Variants in MLXIP observed in about 807,000 individuals in gnomAD.
MLXIP encodes MLX-interacting protein.
MLXIP carries 30 observed loss-of-function variants against 87.2 expected under a neutral mutation model. The observed-to-expected ratio is 0.34, with a 90% CI of 0.26 to 0.47. The LOEUF (loss-of-function observed/expected upper bound fraction) is 0.47, where lower values mean the gene tolerates loss of function less well. Among genes scored for constraint, MLXIP ranks in the 20% least tolerant of loss-of-function variants. The pLI is 1.00. For missense variants in MLXIP, 1,002 were observed against 1,240.1 expected (o/e 0.81, Z 2.88); for synonymous variants, 530 against 514.0 (o/e 1.03, Z -0.42).
At chr12:122,095,690 T>G (rs1323916232) in intron 1 of MLXIP, among the ~76,000 whole-genome samples, 1 of 151,964 alleles carries the variant, frequency 6.6e-6, no homozygotes, top group African/African-American at 2.4e-5. Flanking sequence ...TCTTTTCAAG[T>G]TGCATTTCAA....
intron 3 of MLXIP, chr12:122,128,765 C>A (rs142183040): frequency 0.011 from 2,072 of 189,722 alleles, 39 homozygotes; most frequent in Admixed American, 0.038. Flanking sequence ...TTCATTTTTG[C>A]CCTTTGAATG....
intron 1 of MLXIP, among the ~76,000 whole-genome samples, chr12:122,095,321 ACACT>A (rs1263893648): frequency 4.0e-5 from 6 of 151,822 alleles, no homozygotes; most frequent in Non-Finnish European, 7.4e-5. Context: ...TTTGCAGTAC[ACACT>A]CACACATGCA....
Position 122,132,301 on chromosome 12 carries a change from C to T in MLXIP, c.1010C>T (p.Ser337Phe), listed in dbSNP as rs759150114. The T allele has an allele frequency of 1.2e-6, 2 of 1,611,558 alleles. No individual in the cohort carries two copies. Among genetic ancestry groups the T allele is most frequent in the Admixed American group, 1.7e-5 (1 of 59,656 alleles). ...TGCTGTTGTTTTTCAGACCTCTTCT[C>T]TTCTAGCCGCTCCATTTTTGGCTCC... ...DTFEPFQDLF[S>F]SSRSIFGSML... Residue 337 changes from serine (S) to phenylalanine (F), a missense_variant, in exon 8 of 17, where the codon TCT becomes TTT. Around this residue, in one of 3 missense-constraint regions of MLXIP, gnomAD observed 746 missense variants for 897.0 expected, o/e 0.83. Coordinates refer to ENST00000319080, the MANE Select transcript of MLXIP (RefSeq NM_014938.6).
chr12:122,133,744 C>T lies in MLXIP; in HGVS notation c.1489C>T (p.Pro497Ser), dbSNP rs768671924. Residue 497 changes from proline (P) to serine (S), a missense_variant, in exon 9 of 17, where the codon CCC becomes TCC. Around this residue, in one of 3 missense-constraint regions of MLXIP, gnomAD observed 746 missense variants for 897.0 expected, o/e 0.83. Transcript: ENST00000319080. The surrounding 1 kb of genome is among the most constrained non-coding windows in gnomAD (Gnocchi z 4.9). ...CTCTGCCACCCTCACCCACGATGCC[C>T]CCGCCACCACCTTTAGCCAGAGTCA... ...TASATLTHDA[P>S]ATTFSQSQGL... 10 of 1,613,568 alleles carry T rather than the reference C, an allele frequency of 6.2e-6. No individual in the cohort carries two copies. The South Asian group carries it at 7.7e-5, about 12-fold the overall frequency.
At position 122,133,894 on chromosome 12, in the gene MLXIP, A is replaced by C. The variant is rs1232314476; in HGVS notation, c.1639A>C (p.Thr547Pro). The C allele has an allele frequency of 6.2e-7, 1 of 1,610,676 alleles. No homozygotes were observed. The highest frequency in any genetic ancestry group is 1.3e-5 in the African/African-American group (1 of 74,856). The change falls in exon 9 of 17, where the codon ACT becomes CCT. Residue 547 changes from threonine (T) to proline (P), a missense_variant. By Grantham distance (38) the Thr-to-Pro change is conservative. Coordinates refer to ENST00000319080, the MANE Select transcript of MLXIP (RefSeq NM_014938.6). This position sits in a 1 kb window ranked among gnomAD's most constrained non-coding sequence, Gnocchi z 4.9. ...TFVHPKPVSL[T>P]GGRPKQPHKI... ...TGTGCACCCCAAACCTGTATCCTTG[A>C]CTGGGGGCAGGCCTAAGCAGCCCCA...
At chr12:122,128,090 G>A (rs567571509) in intron 3 of MLXIP, 122 bp downstream of exon 3, 189 of 802,054 alleles carry the variant, frequency 2.4e-4, no homozygotes, top group Middle Eastern at 8.5e-4. Context: ...CCTGCCCTGC[G>A]CCATCCATGC....
intron 1 of MLXIP, among the ~76,000 whole-genome samples, chr12:122,109,382 T>G (rs1952568663): frequency 6.6e-6 from 1 of 152,240 alleles, no homozygotes. Context: ...TTTTGTATTC[T>G]TAGTAGTGAT....
chr12:122,090,991 G>GT lies in MLXIP; in HGVS notation c.413+11735dup, dbSNP rs371174931. Among the ~76,000 whole-genome samples the GT allele has an allele frequency of 5.9e-4, 87 of 148,520 alleles. No individual in the cohort carries two copies. The East Asian group carries it at 6.5e-3, about 11-fold the overall frequency. The stretch of plus-strand genomic sequence containing the variant: ...AATGGATAGTCACTGCTAATGGGTT[G>GT]TTTTTTTTTTGAGGCTGTGATGAAA... On this transcript the variant is annotated intron_variant, in intron 1 of 16. Transcript: ENST00000319080.
At chr12:122,131,008 C>A in intron 7 of MLXIP, 75 bp downstream of exon 7, 1 of 979,948 alleles carries the variant, frequency 1.0e-6, no homozygotes, top group Non-Finnish European at 1.6e-6. Context: ...CGCTGCCTTC[C>A]TTTAAGAGGC....
rs1565992340 is a variant in MLXIP at position 122,141,710 on chromosome 12, G to T, written c.2658G>T (p.Arg886=). 1 of 1,613,850 alleles carries T rather than the reference G, an allele frequency of 6.2e-7. No individual in the cohort carries two copies. The highest frequency in any genetic ancestry group is 8.5e-7 in the Non-Finnish European group (1 of 1,179,884). The change falls in exon 17 of 17, where the codon CGG becomes CGT. Residue 886 remains arginine, a synonymous_variant. Coordinates refer to ENST00000319080, the MANE Select transcript of MLXIP (RefSeq NM_014938.6). Reference sequence around the variant, plus strand: ...TTGCAGTGGTATTGAGCACGCTGCGGCAGCTGAGCACCTCCACCTCCATCC... The same window carrying T: ...TTGCAGTGGTATTGAGCACGCTGCGTCAGCTGAGCACCTCCACCTCCATCC... ...ILRPMVLSTL[R]QLSTSTSILT... is the part of the protein sequence containing the mutation.
intron 1 of MLXIP, among the ~76,000 whole-genome samples, chr12:122,126,784 A>T (rs779439970): frequency 6.6e-6 from 1 of 152,190 alleles, no homozygotes; most frequent in Non-Finnish European, 1.5e-5. Flanking sequence ...GTGACCCATG[A>T]CTGCCCTTGG....
At chr12:122,109,055 C>T (rs573186690) in intron 1 of MLXIP, among the ~76,000 whole-genome samples, 50 of 152,336 alleles carry the variant, frequency 3.3e-4, no homozygotes, top group Non-Finnish European at 6.9e-4. Flanking sequence ...GCCTCAGCCT[C>T]CTGAGTAGCT....
At chr12:122,082,746 A>G (rs1357472636) in intron 1 of MLXIP, among the ~76,000 whole-genome samples, 2 of 152,222 alleles carry the variant, frequency 1.3e-5, no homozygotes, top group Non-Finnish European at 2.9e-5. Context: ...CAATGGAGCT[A>G]TGTACTGTAG....
chr12:122,114,177 G>A (rs1323530350), intron 1 of MLXIP, among the ~76,000 whole-genome samples: 2 of 151,068 alleles, frequency 1.3e-5, no homozygotes, highest in South Asian at 2.1e-4. Context: ...TAGTAGACAG[G>A]GTTTCATCAT....
intron 1 of MLXIP, among the ~76,000 whole-genome samples, chr12:122,081,203 C>G (rs994700347): frequency 6.6e-6 from 1 of 152,132 alleles, no homozygotes; most frequent in Non-Finnish European, 1.5e-5. Context: ...TCTCTTGGCT[C>G]TCTCACTTTC....
In MLXIP at chr12:122,142,448, A is replaced by C; in HGVS notation, c.*636A>C. On this transcript the variant is annotated 3_prime_UTR_variant, in exon 17 of 17. Coordinates refer to ENST00000319080, the MANE Select transcript of MLXIP (RefSeq NM_014938.6). ...TGTGCAGAAACGGTGGATGTGGAAC[A>C]CACAGGACCAGAATGGAAGCGTGTG... The C allele has an allele frequency of 2.5e-6, 1 of 400,308 alleles. No individual in the cohort carries two copies. The highest frequency in any genetic ancestry group is 5.0e-6 in the Non-Finnish European group (1 of 201,726). The allele number at this position is 400,308 out of a possible 1,614,324, so 24.8% of individuals were successfully genotyped here.
At chr12:122,125,644 A>G (rs1031565342) in intron 1 of MLXIP, among the ~76,000 whole-genome samples, 1 of 152,178 alleles carries the variant, frequency 6.6e-6, no homozygotes, top group Non-Finnish European at 1.5e-5. Flanking sequence ...ATCAGCATGG[A>G]GGTGGGTTAG....
At chr12:122,088,733 T>TCGGTGGGGAAGGAGGGCAGC (rs1448907153) in intron 1 of MLXIP, among the ~76,000 whole-genome samples, 1 of 152,096 alleles carries the variant, frequency 6.6e-6, no homozygotes, top group Non-Finnish European at 1.5e-5. Context: ...TCTAGGCCTG[T>TCGGTGGGGAAGGAGGGCAGC]CGGTGGGGAA....
At chr12:122,118,333 G>A (rs1475355262) in intron 1 of MLXIP, among the ~76,000 whole-genome samples, 3 of 152,170 alleles carry the variant, frequency 2.0e-5, no homozygotes, top group African/African-American at 7.2e-5. Context: ...GCACAATACC[G>A]CAGAAAAGGG....
Sources: allele counts gnomAD v4.1 joint callset (sites outside exome capture counted in the v4.1 genomes callset), GRCh38; gene constraint gnomAD v4.1.1; regional missense constraint gnomAD v4.1.1; non-coding constraint Gnocchi (gnomAD v3.1); transcripts MANE v1.5; gene names NCBI Gene and HGNC (gene_info 2026-07-23, HGNC 2026-07-21).